Variants in STK31 observed in about 807,000 individuals in gnomAD.
The protein encoded by STK31 is serine/threonine kinase 31.
STK31 carries 89 observed loss-of-function variants against 129.7 expected under a neutral mutation model. That is an observed-to-expected ratio of 0.69 (90% CI 0.58 to 0.82). The LOEUF (loss-of-function observed/expected upper bound fraction) is 0.82. STK31 is among the 40% of genes least tolerant of loss of function. The pLI, the probability that STK31 is intolerant of heterozygous loss-of-function variation, is 0.00. For missense variants in STK31, 1,187 were observed against 1,176.4 expected (o/e 1.01, Z -0.13); for synonymous variants, 448 against 395.3 (o/e 1.13, Z -1.58).
In STK31 at chr7:23,735,566, T is replaced by C. The variant is rs1226137779; in HGVS notation, c.512T>C (p.Phe171Ser). Residue 171 changes from phenylalanine (F) to serine (S), a missense_variant, in exon 7 of 24, where the codon TTT becomes TCT. Phe to Ser is a radical substitution (Grantham distance 155). This residue lies in a region of STK31 where 103 missense variants were observed against 110.4 expected (regional missense o/e 0.93). Transcript: ENST00000355870. ...QGTTFLGSLIFEKEIKMRIKA... is the reference protein window; with the variant it reads ...QGTTFLGSLISEKEIKMRIKA... ...ACAACCTTTTTGGGGAGCTTGATTT[T>C]TGAAAAGGAAATAAAAATGAGAATT... 6.2e-7 allele frequency: 1 copy of C among 1,603,444 alleles called. No homozygotes were observed. Among genetic ancestry groups the C allele is most frequent in the Non-Finnish European group, 8.5e-7 (1 of 1,174,550 alleles).
chr7:23,721,851 T>C (rs1226065745), intron 4 of STK31: 1 of 485,618 alleles, frequency 2.1e-6, no homozygotes, highest in Admixed American at 3.0e-5. Context: ...ATACCCTTTC[T>C]TCCACTTGAT....
intron 10 of STK31, 21 bp from the exon 11 acceptor site, chr7:23,762,780 A>G (rs767710285): frequency 1.2e-6 from 2 of 1,606,630 alleles, no homozygotes; most frequent in African/African-American, 1.3e-5. Context: ...AATGATGGTT[A>G]TTCTTTTTTT....
At chr7:23,742,416 T>C (rs1411666677) in intron 8 of STK31, among the ~76,000 whole-genome samples, 1 of 152,188 alleles carries the variant, frequency 6.6e-6, no homozygotes, top group East Asian at 1.9e-4. Context: ...GTCCCTGGTA[T>C]CTAAACTCTT....
intron 22 of STK31, among the ~76,000 whole-genome samples, chr7:23,800,293 G>A (rs1372730189): frequency 6.6e-6 from 1 of 152,110 alleles, no homozygotes; most frequent in African/African-American, 2.4e-5. Flanking sequence ...TAAGTTTATT[G>A]CAGCATTGTT....
intron 23 of STK31, among the ~76,000 whole-genome samples, chr7:23,817,187 CA>C (rs955726624): frequency 6.1e-4 from 90 of 147,484 alleles, no homozygotes; most frequent in East Asian, 4.6e-3. Flanking sequence ...GACTTTGTCT[CA>C]AAAAAAAAAA....
Position 23,780,055 on chromosome 7 carries a change from G to A in STK31, c.1966-1364G>A, listed in dbSNP as rs796548440. 2.5e-3 allele frequency among the ~76,000 whole-genome samples: 379 copies of A among 152,280 alleles called. 2 individuals are homozygous for A. The highest frequency in any genetic ancestry group is 8.8e-3 in the African/African-American group (366 of 41,558). On this transcript the variant is annotated intron_variant, in intron 15 of 23. Transcript: ENST00000355870. Reference sequence around the variant, plus strand: ...GGGCCAGAATGAACCGTTCCTGATGGCACAGTCCCTCATGGCTTCCCTTGG... The same window carrying A: ...GGGCCAGAATGAACCGTTCCTGATGACACAGTCCCTCATGGCTTCCCTTGG...
At chr7:23,772,404 T>G (rs1790256812) in intron 15 of STK31, 126 bp downstream of exon 15, 1 of 962,988 alleles carries the variant, frequency 1.0e-6, no homozygotes, top group East Asian at 3.0e-5. Context: ...CATTTTGTTT[T>G]ATATACTTTA....
intron 7 of STK31, among the ~76,000 whole-genome samples, chr7:23,736,689 T>G (rs1001549872): frequency 6.6e-6 from 1 of 152,186 alleles, no homozygotes; most frequent in African/African-American, 2.4e-5. Flanking sequence ...ATATTTTTTT[T>G]TGAGAATTAG....
intron 10 of STK31, among the ~76,000 whole-genome samples, chr7:23,759,701 A>C (rs1345374006): frequency 6.6e-6 from 1 of 152,236 alleles, no homozygotes; most frequent in Non-Finnish European, 1.5e-5. Context: ...GTAATGTGAT[A>C]AAATATTTCA....
intron 23 of STK31, among the ~76,000 whole-genome samples, chr7:23,826,863 G>A (rs1053718604): frequency 2.0e-5 from 3 of 152,084 alleles, no homozygotes; most frequent in Non-Finnish European, 4.4e-5. Context: ...AGCTTAGTTT[G>A]GCTGGATATG....
chr7:23,798,401 A>T (rs10215814), intron 22 of STK31, among the ~76,000 whole-genome samples: 1 of 144,270 alleles, frequency 6.9e-6, no homozygotes. Flanking sequence ...GCTTATCCAC[A>T]ACAATCAAGT....
intron 4 of STK31, among the ~76,000 whole-genome samples, chr7:23,718,310 A>T (rs1313473794): frequency 6.6e-6 from 1 of 152,168 alleles, no homozygotes; most frequent in East Asian, 1.9e-4. Context: ...ATGCATCTTT[A>T]TGCAGAGCAA....
chr7:23,812,364 AT>A (rs948242364), intron 22 of STK31, among the ~76,000 whole-genome samples: 2 of 110,964 alleles, frequency 1.8e-5, no homozygotes, highest in Admixed American at 1.7e-4. Context: ...TGCTTTCAAG[AT>A]TTTTTCTTTG....
intron 6 of STK31, among the ~76,000 whole-genome samples, chr7:23,730,878 A>ATATATTTTTTTTTTTT: frequency 3.4e-5 from 2 of 59,544 alleles, no homozygotes; most frequent in Non-Finnish European, 6.6e-5. Context: ...ATATATATAT[A>ATATATTTTTTTTTTTT]TTTTTTTTTT....
chr7:23,817,702 TTAAG>T (rs1228215006), intron 23 of STK31, among the ~76,000 whole-genome samples: 1 of 152,258 alleles, frequency 6.6e-6, no homozygotes, highest in Non-Finnish European at 1.5e-5. Context: ...CAGCCTCTGC[TTAAG>T]TAGAGTAATG....
chr7:23,827,646 C>T (rs749087196), intron 23 of STK31, among the ~76,000 whole-genome samples: 7 of 152,320 alleles, frequency 4.6e-5, no homozygotes, highest in East Asian at 1.9e-4. Context: ...TGAGGAGCTG[C>T]GTTCCTTTGT....
chr7:23,718,947 T>C (rs1786518008), intron 4 of STK31, among the ~76,000 whole-genome samples: 1 of 152,084 alleles, frequency 6.6e-6, no homozygotes, highest in Non-Finnish European at 1.5e-5. Flanking sequence ...TTGAACCAAT[T>C]TACATTCTTA....
At chr7:23,783,477 C>T (rs1037982784) in intron 16 of STK31, 106 bp from the exon 17 acceptor site, 2 of 704,104 alleles carry the variant, frequency 2.8e-6, no homozygotes, top group African/African-American at 1.8e-5. Flanking sequence ...ATGTATCTTA[C>T]TGGATATGTT....
At chr7:23,775,303 C>A (rs1337887133) in intron 15 of STK31, among the ~76,000 whole-genome samples, 5 of 152,156 alleles carry the variant, frequency 3.3e-5, no homozygotes. Flanking sequence ...ATTGTCTTGG[C>A]TATCTGGGCT....
Sources: gnomAD v4.1 joint callset for allele counts (sites outside exome capture counted in the v4.1 genomes callset) on GRCh38, gnomAD v4.1.1 for gene constraint, gnomAD v4.1.1 regional missense constraint, MANE v1.5 for transcripts, NCBI Gene and HGNC (gene_info 2026-07-23, HGNC 2026-07-21) for gene names.